Variants in CNTN4 observed in about 807,000 individuals in gnomAD.
CNTN4 encodes the protein contactin-4.
Under a neutral mutation model 122.5 loss-of-function variants are expected in CNTN4, and 77 were observed. The ratio of observed to expected loss-of-function variants is 0.63; its 90% CI spans 0.52 to 0.76. CNTN4 has a LOEUF of 0.76. Ranked by LOEUF, CNTN4 falls within the 30% of genes least tolerant of loss-of-function variation. CNTN4 has a pLI of 0.00. For missense variants in CNTN4, 1,256 were observed against 1,259.1 expected, an observed-to-expected ratio of 1.00 and a Z score of 0.04; for synonymous variants, 512 against 447.0, an observed-to-expected ratio of 1.15 and a Z score of -1.83.
rs6804509 is a variant in CNTN4 at position 2,828,141 on chromosome 3, G to C, written c.454+8560G>C. Among the ~76,000 whole-genome samples the C allele has an allele frequency of 2.8e-3, 432 of 152,160 alleles. 5 individuals carry two copies. Among genetic ancestry groups the C allele is most frequent in the African/African-American group, 9.9e-3 (411 of 41,492 alleles). ...TGTGTGTTTGTGTATGTGTGTGTGT[G>C]TGCGTGTGTGTATAATGAGAGAAGT... On this transcript the variant is annotated intron_variant, in intron 7 of 24. Coordinates refer to ENST00000418658, the MANE Select transcript of CNTN4 (RefSeq NM_175607.3).
chr3:2,187,203 G>C (rs925204961), intron 2 of CNTN4, among the ~76,000 whole-genome samples: 3 of 152,090 alleles, frequency 2.0e-5, no homozygotes, highest in African/African-American at 7.2e-5. Context: ...CGCATTTCTT[G>C]TTTTAGTCAT....
At chr3:2,511,064 A>T (rs571502188) in intron 3 of CNTN4, among the ~76,000 whole-genome samples, 4 of 152,274 alleles carry the variant, frequency 2.6e-5, no homozygotes, top group African/African-American at 9.6e-5. Flanking sequence ...ATACACGTGT[A>T]TGTCGCATAA....
chr3:2,757,329 A>G (rs899570571), intron 6 of CNTN4, among the ~76,000 whole-genome samples: 1 of 152,104 alleles, frequency 6.6e-6, no homozygotes, highest in Non-Finnish European at 1.5e-5. Flanking sequence ...CCCTTTCTCC[A>G]TAGGGCAATG....
At chr3:2,356,160 C>G (rs2044863061) in intron 3 of CNTN4, among the ~76,000 whole-genome samples, 1 of 152,014 alleles carries the variant, frequency 6.6e-6, no homozygotes, top group African/African-American at 2.4e-5. Flanking sequence ...CAATCAAGAC[C>G]CTAAGAGAGA....
intron 4 of CNTN4, among the ~76,000 whole-genome samples, chr3:2,655,541 G>T (rs1196454774): frequency 6.6e-6 from 1 of 152,026 alleles, no homozygotes; most frequent in Non-Finnish European, 1.5e-5. Context: ...TCTGTTTCCT[G>T]CTCTGCCTGT....
chr3:2,204,140 T>A (rs999102417), intron 2 of CNTN4, among the ~76,000 whole-genome samples: 1 of 152,158 alleles, frequency 6.6e-6, no homozygotes, highest in African/African-American at 2.4e-5. Context: ...TTATATTCCA[T>A]CAGGAGTCAT....
intron 13 of CNTN4, among the ~76,000 whole-genome samples, chr3:2,951,892 T>C (rs766444820): frequency 2.8e-4 from 42 of 152,226 alleles, no homozygotes; most frequent in Non-Finnish European, 5.4e-4. Context: ...CTGTGTGTCA[T>C]GGATCCCTGC....
At chr3:2,126,265 T>C (rs896774846) in intron 2 of CNTN4, among the ~76,000 whole-genome samples, 2 of 152,174 alleles carry the variant, frequency 1.3e-5, no homozygotes, top group African/African-American at 4.8e-5. Context: ...AGGATGTCCA[T>C]ACTGCATATA....
intron 3 of CNTN4, among the ~76,000 whole-genome samples, chr3:2,454,040 G>T (rs932364453): frequency 6.7e-6 from 1 of 149,078 alleles, no homozygotes; most frequent in Non-Finnish European, 1.5e-5. Context: ...TGACAGGGTA[G>T]ATATAATCAG....
At chr3:2,383,604 CCTT>C (rs1233310902) in intron 3 of CNTN4, among the ~76,000 whole-genome samples, 2 of 151,936 alleles carry the variant, frequency 1.3e-5, no homozygotes, top group African/African-American at 4.8e-5. Context: ...CTCTCTCTCT[CCTT>C]CTGCTCCCTC....
intron 4 of CNTN4, among the ~76,000 whole-genome samples, chr3:2,629,271 A>G (rs1475971285): frequency 6.6e-6 from 1 of 152,232 alleles, no homozygotes; most frequent in Admixed American, 6.5e-5. Flanking sequence ...AGCCCTCACC[A>G]GAAACCAATC....
At chr3:2,124,285 C>T (rs1254746463) in intron 2 of CNTN4, among the ~76,000 whole-genome samples, 1 of 152,108 alleles carries the variant, frequency 6.6e-6, no homozygotes, top group Admixed American at 6.5e-5. Flanking sequence ...CTTGTTTTCT[C>T]AACGGTTAGC....
chr3:2,816,695 C>T (rs1054004800), intron 6 of CNTN4, among the ~76,000 whole-genome samples: 2 of 151,502 alleles, frequency 1.3e-5, no homozygotes, highest in African/African-American at 4.9e-5. Context: ...GTGGTGCATG[C>T]CTGTAGTCCC....
In CNTN4 at chr3:2,853,327, C is replaced by G. The variant is rs531189350; in HGVS notation, c.455-13425C>G. On this transcript the variant is annotated intron_variant, in intron 7 of 24. Coordinates refer to ENST00000418658, the MANE Select transcript of CNTN4 (RefSeq NM_175607.3). ...TGGTGCGATCTCGGCTCACTGCAAG[C>G]TCCGCCTCCCGGGTTCAAGCGATTC... 1.1e-4 allele frequency among the ~76,000 whole-genome samples: 16 copies of G among 152,236 alleles called. No individual in the cohort carries two copies. In the East Asian group the frequency reaches 3.1e-3, roughly 30 times the overall value.
At chr3:2,615,253 A>G (rs1322728166) in intron 4 of CNTN4, among the ~76,000 whole-genome samples, 1 of 152,224 alleles carries the variant, frequency 6.6e-6, no homozygotes, top group Non-Finnish European at 1.5e-5. Context: ...ATAACAGGGT[A>G]TTGCATAAGT....
At chr3:2,549,541 G>T (rs568326808) in intron 3 of CNTN4, among the ~76,000 whole-genome samples, 1 of 152,168 alleles carries the variant, frequency 6.6e-6, no homozygotes, top group African/African-American at 2.4e-5. Flanking sequence ...GCATCCCAAG[G>T]ATGAAGCCGA....
At chr3:2,181,927 T>C (rs1252350268) in intron 2 of CNTN4, among the ~76,000 whole-genome samples, 1 of 152,134 alleles carries the variant, frequency 6.6e-6, no homozygotes, top group Non-Finnish European at 1.5e-5. Flanking sequence ...TGGTGATCTA[T>C]ATGTCATTGC....
chr3:2,328,445 TTTAA>T (rs1424154774), intron 2 of CNTN4, among the ~76,000 whole-genome samples: 3 of 152,242 alleles, frequency 2.0e-5, no homozygotes, highest in Admixed American at 6.5e-5. Flanking sequence ...TCCCCAGGTC[TTTAA>T]TTATGCATTT....
intron 2 of CNTN4, among the ~76,000 whole-genome samples, chr3:2,232,740 G>A (rs1463338222): frequency 3.9e-5 from 6 of 152,100 alleles, no homozygotes; most frequent in Non-Finnish European, 7.4e-5. Flanking sequence ...AAAACATTGA[G>A]TGAAAATATA....
Sources: allele counts gnomAD v4.1 joint callset (sites outside exome capture counted in the v4.1 genomes callset), GRCh38; gene constraint gnomAD v4.1.1; transcripts MANE v1.5; gene names NCBI Gene and HGNC (gene_info 2026-07-23, HGNC 2026-07-21).